The following RPE65 variants were observed in gnomAD, a reference collection of about 807,000 sequenced individuals.
RPE65 encodes the protein retinoid isomerohydrolase RPE65.
In RPE65, 58 loss-of-function variants were observed where a neutral mutation model predicts 68.5. That is an observed-to-expected ratio of 0.85 (90% CI 0.69 to 1.05). The LOEUF is 1.05. Ranked by LOEUF, RPE65 falls within the 50% of genes least tolerant of loss-of-function variation. The pLI is 0.00. For missense variants in RPE65, 643 were observed against 629.9 expected (o/e 1.02, Z -0.22); for synonymous variants, 220 against 222.2 (o/e 0.99, Z 0.09).
intron 13 of RPE65, 118 bp downstream of exon 13, chr1:68,430,947 T>C: frequency 1.3e-6 from 1 of 791,362 alleles, no homozygotes; most frequent in East Asian, 2.6e-5. Context: ...GCTCTATTTA[T>C]AGTATTAAGG....
chr1:68,429,845 A>C lies in RPE65; in HGVS notation c.1533T>G (p.Ser511Arg), dbSNP rs190761343. The change falls in exon 14 of 14, where the codon AGT (serine) becomes AGG (arginine). Residue 511 changes from serine (S) to arginine (R), a missense_variant. Physicochemically the swap from Ser to Arg is moderately radical, Grantham distance 110. Transcript: ENST00000262340. ...TCTCCACTTCAGCCCGGGCAACTTC[A>C]CTTAAGTCCTTGGCATTCAGAATCA... The part of the protein sequence containing the change: ...YLLILNAKDL[S>R]EVARAEVEIN... The C allele has an allele frequency of 1.9e-6, 3 of 1,613,842 alleles. No homozygotes were observed. In the African/African-American group the frequency reaches 4.0e-5, roughly 22 times the overall value.
intron 5 of RPE65, among the ~76,000 whole-genome samples, chr1:68,443,962 A>G (rs964593332): frequency 6.6e-6 from 1 of 152,210 alleles, no homozygotes; most frequent in East Asian, 1.9e-4. Context: ...AAGAAGGGGC[A>G]AATTAGTGCA....
At chr1:68,443,903 A>G (rs1425904335) in intron 5 of RPE65, among the ~76,000 whole-genome samples, 2 of 152,168 alleles carry the variant, frequency 1.3e-5, no homozygotes, top group African/African-American at 2.4e-5. Context: ...ATTTTGTTCT[A>G]TGCTATTTCA....
At chr1:68,447,873 C>CA (rs967588161) in intron 2 of RPE65, among the ~76,000 whole-genome samples, 1 of 151,546 alleles carries the variant, frequency 6.6e-6, no homozygotes, top group East Asian at 1.9e-4. Flanking sequence ...AACAAACAAA[C>CA]AAAAAAACAA....
At chr1:68,433,923 G>T (rs973816325) in intron 10 of RPE65, among the ~76,000 whole-genome samples, 1 of 151,998 alleles carries the variant, frequency 6.6e-6, no homozygotes, top group African/African-American at 2.4e-5. Flanking sequence ...AATCCTCAAC[G>T]TAGTGAGAGA....
chr1:68,446,835 G>A lies in RPE65; in HGVS notation c.120C>T (p.Gly40=). The A allele has an allele frequency of 6.2e-7, 1 of 1,613,822 alleles. No homozygotes were observed. The highest frequency in any genetic ancestry group is 1.3e-5 in the African/African-American group (1 of 75,052). Residue 40 remains glycine (G), a synonymous_variant, in exon 3 of 14, where the codon GGC becomes GGT. Coordinates refer to ENST00000262340, the MANE Select transcript of RPE65 (RefSeq NM_000329.3). ...GTCCTGGCCCACATCGAAGGAGACT[G>A]CCGGTGAGCCAGAGGGGGATCCTGC... ...VTGRIPLWLT[G]SLLRCGPGLF...
At chr1:68,433,954 C>T (rs986092915) in intron 10 of RPE65, among the ~76,000 whole-genome samples, 24 of 151,750 alleles carry the variant, frequency 1.6e-4, no homozygotes, top group African/African-American at 5.1e-4. Context: ...GTACTGTGTT[C>T]AATGGATTGG....
intron 1 of RPE65, among the ~76,000 whole-genome samples, chr1:68,449,260 C>T (rs1449905372): frequency 6.6e-6 from 1 of 151,952 alleles, no homozygotes; most frequent in African/African-American, 2.4e-5. Flanking sequence ...CATATTATAC[C>T]ATAATTTTTT....
At chr1:68,430,175 A>G (rs1645815991) in intron 13 of RPE65, among the ~76,000 whole-genome samples, 1 of 152,166 alleles carries the variant, frequency 6.6e-6, no homozygotes, top group East Asian at 1.9e-4. Flanking sequence ...GCTCACTGCT[A>G]TATCTCAATA....
At chr1:68,448,483 T>C (rs1645958162) in intron 2 of RPE65, 141 bp downstream of exon 2, 3 of 729,028 alleles carry the variant, frequency 4.1e-6, no homozygotes, top group Non-Finnish European at 7.3e-6. Flanking sequence ...AAATGGGTTC[T>C]TGCTATAAAA....
chr1:68,429,957 T>C (rs1203049960), intron 13 of RPE65, 30 bp from the exon 14 acceptor site: 10 of 1,613,020 alleles, frequency 6.2e-6, no homozygotes, highest in Admixed American at 1.7e-5. Flanking sequence ...TAGGCAATAT[T>C]GAGTTTTTAA....
At chr1:68,438,444 C>T in intron 9 of RPE65, 128 bp from the exon 10 acceptor site, 1 of 1,084,482 alleles carries the variant, frequency 9.2e-7, no homozygotes, top group Non-Finnish European at 1.3e-6. Context: ...GCTATTGAGC[C>T]AGGTGTATCA....
At chr1:68,448,915 CTACTCAGGTATGGAAGGGGGTCCCAG>C (rs1208495376) in intron 1 of RPE65, among the ~76,000 whole-genome samples, 1 of 151,404 alleles carries the variant, frequency 6.6e-6, no homozygotes, top group Non-Finnish European at 1.5e-5. Context: ...GTGGGGAAGA[CTACTCAGGTATGGAAGGGGGTCCCAG>C]ATCACTGCTC....
chr1:68,436,321 G>C (rs1645862289), intron 10 of RPE65, among the ~76,000 whole-genome samples: 1 of 152,088 alleles, frequency 6.6e-6, no homozygotes, highest in Non-Finnish European at 1.5e-5. Context: ...TTTCTTTGGA[G>C]CTCCAGATCC....
In RPE65 at chr1:68,431,058, T is replaced by C; in HGVS notation, c.1450+7A>G. On this transcript the variant is annotated splice_region_variant and intron_variant, in intron 13 of 13. Transcript: ENST00000262340. ...GAGTATTCAGACACAACAATTGCTT[T>C]CATTACCATCATCTTCTTCCAAGGC... The C allele has an allele frequency of 6.2e-7, 1 of 1,608,496 alleles. No homozygotes were observed. The highest frequency in any genetic ancestry group is 8.5e-7 in the Non-Finnish European group (1 of 1,175,012).
At chr1:68,446,979 A>G in intron 2 of RPE65, 119 bp from the exon 3 acceptor site, 1 of 1,361,524 alleles carries the variant, frequency 7.3e-7, no homozygotes, top group Non-Finnish European at 1.0e-6. Flanking sequence ...TAGAGCTGGC[A>G]GTGATTTTCA....
intron 2 of RPE65, among the ~76,000 whole-genome samples, chr1:68,447,710 G>A (rs1645952501): frequency 2.6e-5 from 4 of 152,254 alleles, no homozygotes; most frequent in South Asian, 4.2e-4. Flanking sequence ...TTAGCCGGGC[G>A]TGATGGCGGG....
intron 1 of RPE65, among the ~76,000 whole-genome samples, chr1:68,449,547 A>T (rs541262796): frequency 5.3e-5 from 8 of 152,314 alleles, no homozygotes; most frequent in African/African-American, 1.7e-4. Context: ...AGCTATTGTG[A>T]CATCTTTCTA....
intron 3 of RPE65, among the ~76,000 whole-genome samples, chr1:68,445,414 A>G (rs1335569551): frequency 6.6e-6 from 1 of 152,142 alleles, no homozygotes; most frequent in African/African-American, 2.4e-5. Flanking sequence ...TCTTGCCTAG[A>G]CAGGTCTGCT....
Sources: gnomAD v4.1 joint callset for allele counts (sites outside exome capture counted in the v4.1 genomes callset) on GRCh38, gnomAD v4.1.1 for gene constraint, MANE v1.5 for transcripts, NCBI Gene and HGNC (gene_info 2026-07-23, HGNC 2026-07-21) for gene names.